The following BRWD1 variants were observed in gnomAD, a reference collection of about 807,000 sequenced individuals.
The protein encoded by BRWD1 is bromodomain and WD repeat-containing protein 1.
Under a neutral mutation model 251.2 loss-of-function variants are expected in BRWD1, and 82 were observed. That is an observed-to-expected ratio of 0.33 (90% CI 0.27 to 0.39). The LOEUF (loss-of-function observed/expected upper bound fraction) is 0.39, where lower values mean the gene tolerates loss of function less well. Ranked by LOEUF, BRWD1 falls within the 10% of genes least tolerant of loss-of-function variation. The pLI is 1.00. For missense variants in BRWD1, 2,233 were observed against 2,711.6 expected (o/e 0.82, Z 3.92); for synonymous variants, 918 against 902.8 (o/e 1.02, Z -0.30).
intron 27 of BRWD1, among the ~76,000 whole-genome samples, chr21:39,228,254 C>T (rs183702799): frequency 1.0e-3 from 157 of 152,292 alleles, no homozygotes; most frequent in African/African-American, 3.4e-3. Context: ...CACCATTGCA[C>T]TCCAGCCTGG....
At chr21:39,239,069 A>G (rs1426491556) in intron 21 of BRWD1, among the ~76,000 whole-genome samples, 1 of 152,106 alleles carries the variant, frequency 6.6e-6, no homozygotes, top group Non-Finnish European at 1.5e-5. Context: ...AGTTCTTTGT[A>G]TATTGTGAAT....
chr21:39,216,467 T>C (rs942671324), intron 31 of BRWD1, among the ~76,000 whole-genome samples: 2 of 152,222 alleles, frequency 1.3e-5, no homozygotes, highest in African/African-American at 4.8e-5. Context: ...CAGCCAGGCC[T>C]GACCATCCCT....
In BRWD1 at chr21:39,250,050, G is replaced by A. The variant is rs373161254; in HGVS notation, c.2349+746C>T. Among the ~76,000 whole-genome samples the A allele has an allele frequency of 6.2e-4, 94 of 151,864 alleles. 5 individuals carry two copies. Among genetic ancestry groups the A allele is most frequent in the Admixed American group, 6.6e-5 (1 of 15,230 alleles). ...GGTTTAGCAAGTAAGCAAAATCACA[G>A]ACTAACTCATGAGTTAGGCTAATAA... On this transcript the variant is annotated intron_variant, in intron 20 of 40. Coordinates refer to ENST00000342449, the MANE Select transcript of BRWD1 (RefSeq NM_033656.4).
chr21:39,260,286 G>A (rs2034699238), intron 17 of BRWD1, among the ~76,000 whole-genome samples: 1 of 151,256 alleles, frequency 6.6e-6, no homozygotes, highest in African/African-American at 2.4e-5. Context: ...AATAACCTAA[G>A]GCTATATAAC....
At chr21:39,281,220 A>T (rs1361507245) in intron 8 of BRWD1, among the ~76,000 whole-genome samples, 1 of 152,230 alleles carries the variant, frequency 6.6e-6, no homozygotes, top group African/African-American at 2.4e-5. Context: ...AAACACCAGA[A>T]GCAGCCAAAC....
chr21:39,316,289 G>T (rs888755575), upstream of BRWD1, among the ~76,000 whole-genome samples: 1 of 152,298 alleles, frequency 6.6e-6, no homozygotes, highest in South Asian at 2.1e-4. Context: ...CTCGTTTGGG[G>T]CTTTCCAAGG....
At chr21:39,308,610 A>T (rs2036365589) in intron 4 of BRWD1, among the ~76,000 whole-genome samples, 1 of 151,784 alleles carries the variant, frequency 6.6e-6, no homozygotes, top group Admixed American at 6.6e-5. Context: ...AGAATCATCT[A>T]AAAAGCTTTT....
intron 17 of BRWD1, among the ~76,000 whole-genome samples, chr21:39,262,164 T>A (rs2034771720): frequency 1.3e-5 from 2 of 152,146 alleles, no homozygotes; most frequent in East Asian, 3.9e-4. Context: ...TTAAAATACA[T>A]AAAGTAAAAA....
chr21:39,293,152 T>G (rs2035863574), intron 8 of BRWD1, among the ~76,000 whole-genome samples: 1 of 152,204 alleles, frequency 6.6e-6, no homozygotes, highest in Non-Finnish European at 1.5e-5. Context: ...CTGTATAGGT[T>G]CAAAATTATC....
upstream of BRWD1, chr21:39,315,007 C>T (rs1468009129): frequency 6.6e-6 from 1 of 152,082 alleles, no homozygotes; most frequent in Non-Finnish European, 1.5e-5. Flanking sequence ...ATAGCAAAAG[C>T]TTTTATTTAT....
intron 23 of BRWD1, among the ~76,000 whole-genome samples, chr21:39,235,028 C>A (rs2033760020): frequency 6.6e-6 from 1 of 152,182 alleles, no homozygotes; most frequent in Non-Finnish European, 1.5e-5. Flanking sequence ...GTGGGCAGAT[C>A]ACCTGAGGTC....
chr21:39,257,926 A>T (rs1221627330), intron 18 of BRWD1, among the ~76,000 whole-genome samples: 1 of 152,224 alleles, frequency 6.6e-6, no homozygotes, highest in Non-Finnish European at 1.5e-5. Context: ...AAAAAAACAA[A>T]GTCTTATGCT....
intron 4 of BRWD1, among the ~76,000 whole-genome samples, chr21:39,308,473 C>G (rs1243727179): frequency 1.9e-5 from 2 of 105,702 alleles, no homozygotes; most frequent in Non-Finnish European, 3.9e-5. Flanking sequence ...CAGAATGACA[C>G]CTTGTCTCAA....
At chr21:39,223,870 G>C (rs1000325085) in intron 29 of BRWD1, among the ~76,000 whole-genome samples, 1 of 152,160 alleles carries the variant, frequency 6.6e-6, no homozygotes, top group African/African-American at 2.4e-5. Flanking sequence ...GTTTTTCTGA[G>C]ATGGAGTCTC....
Position 39,187,415 on chromosome 21 carries a change from ATTCTG to A in BRWD1, c.*8839_*8843del. ...TTGGGTTCTCTGTCTCTAGGAACAA[ATTCTG>A]AAAAATGAGTGAAAGTTCATGTAAA... On this transcript the variant is annotated 3_prime_UTR_variant, in exon 41 of 41. Coordinates refer to ENST00000342449, the MANE Select transcript of BRWD1 (RefSeq NM_033656.4). The A allele has an allele frequency of 6.5e-7, 1 of 1,545,856 alleles. No homozygotes were observed. Among genetic ancestry groups the A allele is most frequent in the South Asian group, 1.2e-5 (1 of 80,788 alleles).
At chr21:39,255,611 T>C (rs1173327819) in intron 19 of BRWD1, 34 bp downstream of exon 19, 3 of 1,541,402 alleles carry the variant, frequency 1.9e-6, no homozygotes, top group South Asian at 1.1e-5. Flanking sequence ...TTTTCACAGA[T>C]AGAAACATTA....
At chr21:39,294,507 T>C (rs2035899289) in intron 7 of BRWD1, among the ~76,000 whole-genome samples, 1 of 151,886 alleles carries the variant, frequency 6.6e-6, no homozygotes, top group African/African-American at 2.4e-5. Context: ...TACAAAAAAT[T>C]AGCCGGGCGT....
intron 9 of BRWD1, among the ~76,000 whole-genome samples, chr21:39,279,320 C>T (rs1185735760): frequency 6.6e-6 from 1 of 152,092 alleles, no homozygotes; most frequent in African/African-American, 2.4e-5. Context: ...GAAAATTTCA[C>T]ATACTCGTTA....
downstream of BRWD1, chr21:39,185,317 A>AAG (rs1330626008): frequency 6.8e-6 from 1 of 147,732 alleles, no homozygotes; most frequent in Admixed American, 6.7e-5. Flanking sequence ...AAAAAAAAAA[A>AAG]AAAAACTTTG....
Sources: gnomAD v4.1 joint callset for allele counts (sites outside exome capture counted in the v4.1 genomes callset) on GRCh38, gnomAD v4.1.1 for gene constraint, MANE v1.5 for transcripts, NCBI Gene and HGNC (gene_info 2026-07-23, HGNC 2026-07-21) for gene names.